DECR1: variants seen among roughly 807,000 people sequenced by gnomAD.
DECR1 encodes 2,4-dienoyl-CoA reductase 1.
Under a neutral mutation model 38.8 loss-of-function variants are expected in DECR1, and 44 were observed. The observed-to-expected ratio is 1.13, with a 90% CI of 0.89 to 1.46. DECR1 has a LOEUF of 1.46. Ranked by LOEUF, DECR1 falls within the 40% of genes most tolerant of loss-of-function variation. The probability of loss-of-function intolerance (pLI) is 0.00; values close to 1 mark genes in which losing one functional copy is unlikely to be tolerated. For missense variants in DECR1, 428 were observed against 405.5 expected (o/e 1.06, Z -0.48); for synonymous variants, 148 against 135.2 (o/e 1.09, Z -0.66).
At chr8:90,046,304 A>G (rs1813900224) in intron 8 of DECR1, among the ~76,000 whole-genome samples, 1 of 152,224 alleles carries the variant, frequency 6.6e-6, no homozygotes, top group Non-Finnish European at 1.5e-5. Context: ...AAAAGATTAG[A>G]TGATGGCTAA....
chr8:90,049,208 T>A (rs1814000013), intron 8 of DECR1, among the ~76,000 whole-genome samples: 1 of 152,090 alleles, frequency 6.6e-6, no homozygotes, highest in African/African-American at 2.4e-5. Context: ...AAATAAAGGG[T>A]ATTCAATTAG....
chr8:90,024,264 C>A (rs1342581852), intron 5 of DECR1, among the ~76,000 whole-genome samples: 1 of 152,180 alleles, frequency 6.6e-6, no homozygotes, highest in Admixed American at 6.5e-5. Context: ...AATGGTAATT[C>A]TAGTTCTAGA....
intron 1 of DECR1, among the ~76,000 whole-genome samples, chr8:90,012,802 C>T (rs1438781402): frequency 6.6e-6 from 1 of 152,164 alleles, no homozygotes; most frequent in East Asian, 1.9e-4. Context: ...TTCCATTTGC[C>T]TGTTTTTAAT....
At chr8:90,050,688 A>G (rs764694001) in intron 8 of DECR1, among the ~76,000 whole-genome samples, 1 of 152,134 alleles carries the variant, frequency 6.6e-6, no homozygotes, top group Non-Finnish European at 1.5e-5. Context: ...ATACCGAAAG[A>G]ATTATAAATC....
At chr8:90,016,910 A>G (rs1813022358) in intron 1 of DECR1, 1 of 459,414 alleles carries the variant, frequency 2.2e-6, no homozygotes, top group African/African-American at 2.0e-5. Flanking sequence ...ATAGCTTGGG[A>G]GAAAATTCTG....
In DECR1 at chr8:90,021,421, A is replaced by C. The variant is rs532236497; in HGVS notation, c.565+365A>C. ...CTGGTGGAGAGGAGGACATAAGTAC[A>C]TAGGGAATGATGAAAACTTTGATGT... On this transcript the variant is annotated intron_variant, in intron 5 of 9. Transcript: ENST00000220764. Among the ~76,000 whole-genome samples the C allele has an allele frequency of 2.0e-5, 3 of 152,288 alleles. No individual in the cohort carries two copies. The East Asian group carries it at 5.8e-4, about 29-fold the overall frequency.
In DECR1 at chr8:90,045,160, T is replaced by G. The variant is rs112137150; in HGVS notation, c.885+165T>G. The G allele has an allele frequency of 1.0e-3, 490 of 487,486 alleles. 4 individuals are homozygous for G. The highest frequency in any genetic ancestry group is 7.9e-3 in the African/African-American group (386 of 49,154). 30.2% of individuals were successfully genotyped at this position (487,486 alleles called of 1,614,324 possible). On this transcript the variant is annotated intron_variant, in intron 8 of 9. Transcript: ENST00000220764. ...TATATATATTGTTTAGCCTATGACA[T>G]TTATTCAGTGATGTATTAGTCTGTT...
At chr8:90,048,557 C>CA (rs1365752363) in intron 8 of DECR1, among the ~76,000 whole-genome samples, 3 of 152,006 alleles carry the variant, frequency 2.0e-5, no homozygotes, top group Admixed American at 6.6e-5. Flanking sequence ...GCCTACTAAC[C>CA]AAAAAAAGTC....
chr8:90,005,102 T>A (rs1378696095), intron 1 of DECR1, among the ~76,000 whole-genome samples: 12 of 152,124 alleles, frequency 7.9e-5, no homozygotes, highest in Admixed American at 7.9e-4. Context: ...ACCTAAGGAA[T>A]AGCATGTATC....
At chr8:90,016,363 G>A (rs1484291332) in intron 1 of DECR1, among the ~76,000 whole-genome samples, 2 of 152,192 alleles carry the variant, frequency 1.3e-5, no homozygotes, top group African/African-American at 4.8e-5. Flanking sequence ...TTGGTCGGGT[G>A]TGGTGGCTCA....
intron 1 of DECR1, chr8:90,005,612 G>T (rs3026278): frequency 1.3e-5 from 5 of 372,404 alleles, no homozygotes; most frequent in Non-Finnish European, 2.6e-5. Context: ...AAAGGAAGAA[G>T]ACCAAGGAGA....
Position 90,037,347 on chromosome 8 carries a change from G to A in DECR1, c.665+407G>A, listed in dbSNP as rs187690143. ...TCCCTAACCCCTCTCATAAGCACACGTTTATTCTTTTATTGTAGATACTGT... is the reference window on the plus strand; with the variant it reads ...TCCCTAACCCCTCTCATAAGCACACATTTATTCTTTTATTGTAGATACTGT... On this transcript the variant is annotated intron_variant, in intron 6 of 9. Coordinates refer to ENST00000220764, the MANE Select transcript of DECR1 (RefSeq NM_001359.2). Among the ~76,000 whole-genome samples the A allele has an allele frequency of 2.1e-3, 321 of 151,948 alleles. 2 individuals carry two copies. Among genetic ancestry groups the A allele is most frequent in the African/African-American group, 7.4e-3 (305 of 41,426 alleles).
At chr8:90,007,565 G>A (rs1812776738) in intron 1 of DECR1, among the ~76,000 whole-genome samples, 1 of 151,968 alleles carries the variant, frequency 6.6e-6, no homozygotes, top group African/African-American at 2.4e-5. Context: ...TGGGGGTGGG[G>A]TTAATGGATG....
At chr8:90,011,712 GTTTTC>G (rs1336128787) in intron 1 of DECR1, among the ~76,000 whole-genome samples, 3 of 152,166 alleles carry the variant, frequency 2.0e-5, no homozygotes, top group African/African-American at 7.2e-5. Flanking sequence ...AAACAGAATT[GTTTTC>G]TTAATTTCAT....
chr8:90,051,761 T>A, intron 9 of DECR1, 22 bp downstream of exon 9: 1 of 1,612,884 alleles, frequency 6.2e-7, no homozygotes, highest in Non-Finnish European at 8.5e-7. Flanking sequence ...GTGTGTATAA[T>A]GTAATATCAG....
chr8:90,021,607 G>A (rs956520882), intron 5 of DECR1, among the ~76,000 whole-genome samples: 5 of 152,202 alleles, frequency 3.3e-5, no homozygotes, highest in African/African-American at 7.2e-5. Flanking sequence ...CAAAGAATGC[G>A]ACTTGATTGG....
intron 6 of DECR1, among the ~76,000 whole-genome samples, chr8:90,039,748 C>T (rs1399136910): frequency 6.6e-6 from 1 of 152,200 alleles, no homozygotes; most frequent in Non-Finnish European, 1.5e-5. Flanking sequence ...GTATAGCTTA[C>T]ATCACACAAT....
chr8:90,027,370 G>T (rs1813375740), intron 5 of DECR1, among the ~76,000 whole-genome samples: 2 of 152,166 alleles, frequency 1.3e-5, no homozygotes. Context: ...TCTCTTTGTA[G>T]GTCTCTAAGG....
At chr8:90,028,530 A>G (rs1178811331) in intron 5 of DECR1, among the ~76,000 whole-genome samples, 1 of 152,154 alleles carries the variant, frequency 6.6e-6, no homozygotes, top group Admixed American at 6.6e-5. Flanking sequence ...ACCTAAGAAC[A>G]TATGAGAATT....
Sources: allele counts gnomAD v4.1 joint callset (sites outside exome capture counted in the v4.1 genomes callset), GRCh38; gene constraint gnomAD v4.1.1; transcripts MANE v1.5; gene names NCBI Gene and HGNC (gene_info 2026-07-23, HGNC 2026-07-21).